Variants in FHOD3 observed in about 807,000 individuals in gnomAD.
FHOD3 encodes FH1/FH2 domain-containing protein 3.
FHOD3 carries 90 observed loss-of-function variants against 173.0 expected under a neutral mutation model. The ratio of observed to expected loss-of-function variants is 0.52; its 90% CI spans 0.44 to 0.62. The LOEUF is 0.62. FHOD3 is among the 20% of genes least tolerant of loss of function. FHOD3 has a pLI of 0.00. For synonymous variants in FHOD3, 828 were observed against 823.0 expected, an observed-to-expected ratio of 1.01 and a Z score of -0.10; for missense variants, 1,945 against 2,034.7, an observed-to-expected ratio of 0.96 and a Z score of 0.85.
At chr18:36,526,734 C>T (rs1218942943) in intron 5 of FHOD3, among the ~76,000 whole-genome samples, 2 of 152,144 alleles carry the variant, frequency 1.3e-5, no homozygotes, top group Non-Finnish European at 2.9e-5. Context: ...ATAGAATCAG[C>T]TTAATATATA....
At chr18:36,600,264 C>CACACAG (rs1441180847) in intron 7 of FHOD3, among the ~76,000 whole-genome samples, 1 of 149,510 alleles carries the variant, frequency 6.7e-6, no homozygotes, top group Non-Finnish European at 1.5e-5. Flanking sequence ...CACACACACA[C>CACACAG]ACACACACAC....
intron 3 of FHOD3, among the ~76,000 whole-genome samples, chr18:36,394,246 A>G (rs905924171): frequency 6.6e-6 from 1 of 152,210 alleles, no homozygotes; most frequent in Admixed American, 6.5e-5. Flanking sequence ...CAATTTAAAT[A>G]TTGGGCTTCC....
intron 18 of FHOD3, among the ~76,000 whole-genome samples, chr18:36,711,869 G>C (rs191751790): frequency 1.1e-4 from 16 of 152,320 alleles, no homozygotes; most frequent in African/African-American, 3.8e-4. Context: ...ACCCTAGACA[G>C]GCACTAATGA....
At chr18:36,623,237 A>G (rs1284963036) in intron 9 of FHOD3, among the ~76,000 whole-genome samples, 1 of 152,236 alleles carries the variant, frequency 6.6e-6, no homozygotes, top group Non-Finnish European at 1.5e-5. Context: ...ACTTGTGAGT[A>G]GAACGTCACT....
chr18:36,455,646 A>T (rs912107048), intron 3 of FHOD3, among the ~76,000 whole-genome samples: 6 of 151,120 alleles, frequency 4.0e-5, no homozygotes, highest in Non-Finnish European at 7.4e-5. Context: ...AGCCAAAAAA[A>T]TTTTTCAAAA....
intron 8 of FHOD3, among the ~76,000 whole-genome samples, chr18:36,609,975 T>A (rs2032505970): frequency 6.6e-6 from 1 of 152,178 alleles, no homozygotes; most frequent in Non-Finnish European, 1.5e-5. Context: ...CCCTTTATGG[T>A]TGGACTTGCT....
intron 3 of FHOD3, among the ~76,000 whole-genome samples, chr18:36,494,526 G>T (rs995650183): frequency 6.6e-6 from 1 of 152,118 alleles, no homozygotes. Context: ...ATTTGGAAGC[G>T]GTGGGAGAAA....
chr18:36,611,403 G>T (rs1038465209), intron 8 of FHOD3, among the ~76,000 whole-genome samples: 2 of 152,166 alleles, frequency 1.3e-5, no homozygotes, highest in African/African-American at 4.8e-5. Context: ...TGTCGCCCAG[G>T]ACTGAAGTCT....
intron 6 of FHOD3, among the ~76,000 whole-genome samples, chr18:36,589,097 A>G (rs953224): frequency 0.3 from 45,210 of 152,102 alleles, 7,081 homozygotes; most frequent in Admixed American, 0.37. Context: ...GATAGCTGCA[A>G]TAGAAAGTAA....
At chr18:36,319,388 G>A (rs552309764) in intron 1 of FHOD3, among the ~76,000 whole-genome samples, 161 of 152,322 alleles carry the variant, frequency 1.1e-3, no homozygotes, top group African/African-American at 3.8e-3. Flanking sequence ...AAGAGACAAA[G>A]AAGGCTATTA....
At chr18:36,366,726 G>T (rs1209924729) in intron 2 of FHOD3, among the ~76,000 whole-genome samples, 1 of 152,154 alleles carries the variant, frequency 6.6e-6, no homozygotes. Flanking sequence ...GCTGATGACT[G>T]GTTCAAATCC....
chr18:36,408,236 A>G (rs143270591), intron 3 of FHOD3, among the ~76,000 whole-genome samples: 1 of 152,366 alleles, frequency 6.6e-6, no homozygotes, highest in East Asian at 1.9e-4. Context: ...GCTGAAGTGT[A>G]TGCAAGAATG....
chr18:36,707,347 C>G (rs889739474), intron 17 of FHOD3, among the ~76,000 whole-genome samples: 22 of 152,182 alleles, frequency 1.4e-4, no homozygotes, highest in African/African-American at 5.3e-4. Context: ...GGCTGGAGTT[C>G]CCAGTAGAAG....
intron 3 of FHOD3, among the ~76,000 whole-genome samples, chr18:36,475,181 C>T (rs1370940268): frequency 6.6e-6 from 1 of 152,128 alleles, no homozygotes; most frequent in Non-Finnish European, 1.5e-5. Flanking sequence ...ACCCCAGAAG[C>T]CCACAGGTGG....
At position 36,740,505 on chromosome 18, in the gene FHOD3, G is replaced by A. The variant is rs1486966378; in HGVS notation, c.3577-151G>A. On this transcript the variant is annotated intron_variant, in intron 20 of 28. Transcript: ENST00000590592. ...AGACCCTGAAAATTTGGGTCAAGTT[G>A]CTTCAAGTATATTTGGTTTATGACA... 6.3e-6 allele frequency: 5 copies of A among 791,002 alleles called. No individual in the cohort carries two copies. The East Asian group carries it at 1.4e-4, about 22-fold the overall frequency. 49.0% of individuals were successfully genotyped at this position (791,002 alleles called of 1,614,324 possible). A position where few individuals can be genotyped will look rare whatever the true frequency, so the allele number is the denominator to read the frequency against.
chr18:36,477,906 G>A (rs990790929), intron 3 of FHOD3, among the ~76,000 whole-genome samples: 3 of 152,168 alleles, frequency 2.0e-5, no homozygotes, highest in Non-Finnish European at 2.9e-5. Flanking sequence ...GAAGAACCAC[G>A]GCATGCAGTG....
intron 21 of FHOD3, among the ~76,000 whole-genome samples, chr18:36,741,184 C>T (rs1272961482): frequency 2.0e-5 from 3 of 152,134 alleles, no homozygotes; most frequent in Admixed American, 6.5e-5. Flanking sequence ...ATAATCCTTC[C>T]ACGTGATGAT....
intron 3 of FHOD3, among the ~76,000 whole-genome samples, chr18:36,449,656 G>T (rs1027136367): frequency 6.6e-6 from 1 of 152,130 alleles, no homozygotes; most frequent in African/African-American, 2.4e-5. Flanking sequence ...ACAACTTTTA[G>T]TGTTTCATGC....
At chr18:36,510,558 T>G (rs1239867562) in intron 4 of FHOD3, among the ~76,000 whole-genome samples, 2 of 152,214 alleles carry the variant, frequency 1.3e-5, no homozygotes, top group Non-Finnish European at 2.9e-5. Context: ...TCTTGAGAGC[T>G]TGTTCTCACT....
Sources: gnomAD v4.1 joint callset for allele counts (sites outside exome capture counted in the v4.1 genomes callset) on GRCh38, gnomAD v4.1.1 for gene constraint, MANE v1.5 for transcripts, NCBI Gene and HGNC (gene_info 2026-07-23, HGNC 2026-07-21) for gene names.